GRM5: variants seen among roughly 807,000 people sequenced by gnomAD.
GRM5 encodes metabotropic glutamate receptor 5.
A neutral mutation model predicts 83.1 loss-of-function variants in GRM5; 19 were observed. The observed-to-expected ratio is 0.23, with a 90% CI of 0.16 to 0.34. The LOEUF (loss-of-function observed/expected upper bound fraction) is 0.34, where lower values mean the gene tolerates loss of function less well. GRM5 is among the 10% of genes least tolerant of loss of function. The pLI is 1.00. For synonymous variants in GRM5, 675 were observed against 633.6 expected (o/e 1.07, Z -0.98); for missense variants, 1,160 against 1,588.3 (o/e 0.73, Z 4.58).
chr11:89,011,689 C>G (rs898277256), intron 2 of GRM5, among the ~76,000 whole-genome samples: 1 of 152,174 alleles, frequency 6.6e-6, no homozygotes, highest in African/African-American at 2.4e-5. Flanking sequence ...GCCACCACCA[C>G]CAACCATGAA....
chr11:88,751,395 A>G (rs1007424883), intron 3 of GRM5, among the ~76,000 whole-genome samples: 1 of 152,242 alleles, frequency 6.6e-6, no homozygotes, highest in Non-Finnish European at 1.5e-5. Context: ...CCCTCTCAAG[A>G]CTGAACCGGG....
intron 3 of GRM5, among the ~76,000 whole-genome samples, chr11:88,837,799 C>T (rs928341622): frequency 2.6e-5 from 4 of 152,044 alleles, no homozygotes; most frequent in Admixed American, 6.6e-5. Flanking sequence ...ACATAAGTTA[C>T]GTCGGCCGGG....
intron 2 of GRM5, among the ~76,000 whole-genome samples, chr11:88,968,407 G>A (rs905315353): frequency 2.6e-5 from 4 of 152,142 alleles, no homozygotes; most frequent in Middle Eastern, 3.2e-3. Context: ...CAAGGACTGA[G>A]CATGGTGGTT....
chr11:88,889,356 G>GA (rs1274257391), intron 2 of GRM5, among the ~76,000 whole-genome samples: 2 of 151,770 alleles, frequency 1.3e-5, no homozygotes, highest in African/African-American at 2.4e-5. Context: ...TCGCAGGCTT[G>GA]AAAAAAAATA....
At chr11:88,867,475 A>G (rs1286190069) in intron 2 of GRM5, among the ~76,000 whole-genome samples, 5 of 151,756 alleles carry the variant, frequency 3.3e-5, no homozygotes, top group Non-Finnish European at 1.5e-5. Flanking sequence ...TTTTTTCATA[A>G]GAAGTTTATA....
chr11:89,002,997 T>A (rs1940428660), intron 2 of GRM5, among the ~76,000 whole-genome samples: 1 of 48,686 alleles, frequency 2.1e-5, no homozygotes, highest in Admixed American at 2.8e-4. Context: ...CTTTATAGGA[T>A]TTTTTTTGTG....
At chr11:88,937,982 A>T (rs185227360) in intron 2 of GRM5, among the ~76,000 whole-genome samples, 1 of 151,896 alleles carries the variant, frequency 6.6e-6, no homozygotes, top group African/African-American at 2.4e-5. Context: ...CATAATGAGC[A>T]TGATGCCTAG....
At chr11:88,959,080 T>C (rs958623854) in intron 2 of GRM5, among the ~76,000 whole-genome samples, 1 of 152,136 alleles carries the variant, frequency 6.6e-6, no homozygotes, top group Non-Finnish European at 1.5e-5. Flanking sequence ...TAGAGATATA[T>C]GGCATTTTAA....
chr11:88,971,044 C>T (rs377603595), intron 2 of GRM5, among the ~76,000 whole-genome samples: 18 of 152,092 alleles, frequency 1.2e-4, no homozygotes, highest in East Asian at 5.8e-4. Context: ...TTGTTAACAA[C>T]GGCAGGACTG....
intron 2 of GRM5, among the ~76,000 whole-genome samples, chr11:88,857,224 G>C (rs1406099238): frequency 6.6e-6 from 1 of 152,024 alleles, no homozygotes; most frequent in African/African-American, 2.4e-5. Context: ...AAGCATATGA[G>C]AATGCCTGTT....
intron 1 of GRM5, among the ~76,000 whole-genome samples, chr11:89,054,188 G>C (rs1408900990): frequency 6.6e-6 from 1 of 152,160 alleles, no homozygotes; most frequent in Non-Finnish European, 1.5e-5. Flanking sequence ...CGTTGGATTG[G>C]AGATACGGTA....
intron 4 of GRM5, among the ~76,000 whole-genome samples, chr11:88,611,095 A>T (rs181095794): frequency 6.6e-6 from 1 of 152,128 alleles, no homozygotes; most frequent in South Asian, 2.1e-4. Context: ...TAACATTTTC[A>T]TGTGCTTCTG....
chr11:88,987,698 G>A (rs1939781666), intron 2 of GRM5, among the ~76,000 whole-genome samples: 1 of 152,098 alleles, frequency 6.6e-6, no homozygotes, highest in African/African-American at 2.4e-5. Context: ...GTGGATCCCT[G>A]ACCCCTGACC....
intron 3 of GRM5, among the ~76,000 whole-genome samples, chr11:88,847,354 A>T (rs976748883): frequency 3.9e-5 from 6 of 152,196 alleles, no homozygotes; most frequent in Non-Finnish European, 5.9e-5. Flanking sequence ...AACACTCAAC[A>T]TTTGTCAAAT....
At chr11:88,686,492 G>A (rs1254356866) in intron 3 of GRM5, among the ~76,000 whole-genome samples, 3 of 152,224 alleles carry the variant, frequency 2.0e-5, no homozygotes, top group Non-Finnish European at 2.9e-5. Flanking sequence ...GGGAAGACAC[G>A]CTTGGTTTTG....
chr11:89,026,097 G>A (rs1050409505), intron 2 of GRM5, among the ~76,000 whole-genome samples: 1 of 152,130 alleles, frequency 6.6e-6, no homozygotes, highest in African/African-American at 2.4e-5. Context: ...CACTTGTAAG[G>A]ATGAGCTAAA....
At chr11:88,803,503 A>G (rs1943439987) in intron 3 of GRM5, among the ~76,000 whole-genome samples, 1 of 152,092 alleles carries the variant, frequency 6.6e-6, no homozygotes, top group African/African-American at 2.4e-5. Flanking sequence ...CTGAAACTGG[A>G]TCCCTTCCTT....
chr11:88,855,598 TA>T (rs1216951216), intron 2 of GRM5, among the ~76,000 whole-genome samples: 7 of 151,944 alleles, frequency 4.6e-5, no homozygotes, highest in African/African-American at 1.7e-4. Flanking sequence ...AAAACTTGGT[TA>T]AAAATATAAA....
chr11:88,510,503 A>C (rs1423260267), intron 9 of GRM5, among the ~76,000 whole-genome samples: 1 of 119,200 alleles, frequency 8.4e-6, no homozygotes, highest in East Asian at 2.5e-4. Flanking sequence ...GTGGCCTGAC[A>C]CTCAAGATTT....
Sources: gnomAD v4.1 joint callset for allele counts (sites outside exome capture counted in the v4.1 genomes callset) on GRCh38, gnomAD v4.1.1 for gene constraint, MANE v1.5 for transcripts, NCBI Gene and HGNC (gene_info 2026-07-23, HGNC 2026-07-21) for gene names.